Variants in CYP24A1 observed in about 807,000 individuals in gnomAD.
CYP24A1 encodes cytochrome P450 family 24 subfamily A member 1.
Under a neutral mutation model 62.4 loss-of-function variants are expected in CYP24A1, and 68 were observed. The ratio of observed to expected loss-of-function variants is 1.09; its 90% CI spans 0.90 to 1.33. The LOEUF (loss-of-function observed/expected upper bound fraction) is 1.33. Ranked by LOEUF, CYP24A1 falls within the 40% of genes most tolerant of loss-of-function variation. The pLI is 0.00. For synonymous variants in CYP24A1, 267 were observed against 253.0 expected, an observed-to-expected ratio of 1.06 and a Z score of -0.52; for missense variants, 787 against 653.0, an observed-to-expected ratio of 1.21 and a Z score of -2.24.
At position 54,172,981 on chromosome 20, in the gene CYP24A1, G is replaced by T; in HGVS notation, c.377C>A (p.Pro126Gln). The T allele has an allele frequency of 6.2e-7, 1 of 1,613,050 alleles. No individual in the cohort carries two copies. Among genetic ancestry groups the T allele is most frequent in the Non-Finnish European group, 8.5e-7 (1 of 1,180,032 alleles). ...CCACGGTTTGATCTCCAGCCGCTGCGGGTACGCGCTCTCGGTGCGGTACAG... is the reference window on the plus strand; with the variant it reads ...CCACGGTTTGATCTCCAGCCGCTGCTGGTACGCGCTCTCGGTGCGGTACAG... ...EALYRTESAYPQRLEIKPWKA... is the reference protein window; with the variant it reads ...EALYRTESAYQQRLEIKPWKA... Residue 126 changes from proline (P) to glutamine (Q), a missense_variant, in exon 2 of 12, where the codon CCG becomes CAG. Physicochemically the swap from Pro to Gln is moderately conservative, Grantham distance 76. Coordinates refer to ENST00000216862, the MANE Select transcript of CYP24A1 (RefSeq NM_000782.5).
chr20:54,169,242 T>G (rs2092685453), intron 4 of CYP24A1, among the ~76,000 whole-genome samples: 1 of 152,136 alleles, frequency 6.6e-6, no homozygotes, highest in Non-Finnish European at 1.5e-5. Context: ...TTTCCTTTAC[T>G]CCTTGGAAGA....
chr20:54,147,959 G>A, the CYP24A1 span, among the ~76,000 whole-genome samples: 5 of 152,068 alleles, frequency 3.3e-5, no homozygotes, highest in African/African-American at 1.2e-4. Context: ...TCAGCCTCCC[G>A]AGTAGCTGGG....
At chr20:54,168,920 C>T (rs1480677663) in intron 4 of CYP24A1, among the ~76,000 whole-genome samples, 24 of 145,126 alleles carry the variant, frequency 1.7e-4, no homozygotes, top group Admixed American at 9.3e-4. Context: ...TTTCTTGAGA[C>T]GGGGTCTCAC....
chr20:54,164,450 A>C lies in CYP24A1; in HGVS notation c.844+2T>G, dbSNP rs776062343. 3.1e-6 allele frequency: 5 copies of C among 1,613,898 alleles called. No individual in the cohort carries two copies. Among genetic ancestry groups the C allele is most frequent in the African/African-American group, 1.3e-5 (1 of 74,866 alleles). ...GGCTGGTTGTGAAGGGCGGCCCTTT[A>C]CCTGATTTGAAAATGGTGTCCCAGG... On this transcript the variant is annotated splice_donor_variant, in intron 6 of 11. Transcript: ENST00000216862. LOFTEE classifies it high-confidence loss of function.
In CYP24A1 at chr20:54,157,472, A is replaced by G. The variant is rs2092633220; in HGVS notation, c.1350T>C (p.Phe450=). 3.7e-6 allele frequency: 6 copies of G among 1,601,786 alleles called. No homozygotes were observed. Among genetic ancestry groups the G allele is most frequent in the Non-Finnish European group, 5.1e-6 (6 of 1,168,644 alleles). Residue 450 remains phenylalanine (F), a synonymous_variant, in exon 10 of 12, where the codon TTT becomes TTC. Transcript: ENST00000216862. ...WLQEKEKINP[F]AHLPFGVGKR... is the part of the protein sequence containing the mutation. ...TTCCAACGCCAAATGGAAGATGCGC[A>G]AAAGGATTAATTTTTTCCTTCTCCT... is the stretch of plus-strand genomic sequence containing the variant.
chr20:54,161,471 C>A (rs954731206), intron 7 of CYP24A1, among the ~76,000 whole-genome samples: 3 of 152,086 alleles, frequency 2.0e-5, no homozygotes, highest in African/African-American at 4.8e-5. Context: ...GAGTGGGAAC[C>A]CTTGTCTCTG....
At chr20:54,143,904 A>T in the CYP24A1 span, among the ~76,000 whole-genome samples, 1 of 152,238 alleles carries the variant, frequency 6.6e-6, no homozygotes, top group East Asian at 1.9e-4. Flanking sequence ...AAGTGAATAC[A>T]GTTAGCAACT....
chr20:54,164,182 C>T (rs1001012457), intron 6 of CYP24A1, among the ~76,000 whole-genome samples: 25 of 152,172 alleles, frequency 1.6e-4, no homozygotes, highest in East Asian at 1.9e-4. Context: ...GTGATCTGCT[C>T]GCCTGGGCCA....
At chr20:54,145,759 C>T in the CYP24A1 span, among the ~76,000 whole-genome samples, 3 of 152,156 alleles carry the variant, frequency 2.0e-5, no homozygotes, top group Admixed American at 2.0e-4. Flanking sequence ...CACGTAATCA[C>T]CAAGTGACAT....
At chr20:54,144,346 C>T in the CYP24A1 span, among the ~76,000 whole-genome samples, 3 of 151,792 alleles carry the variant, frequency 2.0e-5, no homozygotes, top group Non-Finnish European at 2.9e-5. Flanking sequence ...AACTCCTGGG[C>T]TCAAGTGATC....
Position 54,159,179 on chromosome 20 carries a change from T to G in CYP24A1, c.991-56A>C. 10 of 1,412,560 alleles carry G rather than the reference T, an allele frequency of 7.1e-6. No homozygotes were observed. The South Asian group carries it at 1.2e-4, about 16-fold the overall frequency. The allele number at this position is 1,412,560 out of a possible 1,614,324, so 87.5% of individuals were successfully genotyped here. A position where few individuals can be genotyped will look rare whatever the true frequency, so the allele number is the denominator to read the frequency against. ...TTTGTAAATAACTGCATTAAACCAC[T>G]ATTAGCTGAAAAAAAGGTGATGCCC... On this transcript the variant is annotated intron_variant, in intron 7 of 11. Coordinates refer to ENST00000216862, the MANE Select transcript of CYP24A1 (RefSeq NM_000782.5).
At position 54,173,753 on chromosome 20, in the gene CYP24A1, G is replaced by A; in HGVS notation, c.-174C>T. ...CAGGCAGCAGAAAGGACCTCGGCGA[G>A]GATGCTCGACGCTGCACCACGCGAC... On this transcript the variant is annotated 5_prime_UTR_variant, in exon 1 of 12. Transcript: ENST00000216862. This position sits in a 1 kb window ranked among gnomAD's most constrained non-coding sequence, Gnocchi z 7.2. 1 of 611,460 alleles carries A rather than the reference G, an allele frequency of 1.6e-6. No individual in the cohort carries two copies. Among genetic ancestry groups the A allele is most frequent in the South Asian group, 1.9e-5 (1 of 51,946 alleles). 37.9% of individuals were successfully genotyped at this position (611,460 alleles called of 1,614,324 possible). A position where few individuals can be genotyped will look rare whatever the true frequency, so the allele number is the denominator to read the frequency against.
chr20:54,157,021 G>A lies in CYP24A1; in HGVS notation c.*10+148C>T, dbSNP rs1287637971. The A allele has an allele frequency of 1.5e-5, 9 of 613,844 alleles. No individual in the cohort carries two copies. The East Asian group carries it at 2.5e-4, about 17-fold the overall frequency. 38.0% of individuals were successfully genotyped at this position (613,844 alleles called of 1,614,324 possible). ...TTTACAAATGAAAAAAAAAAAGGAA[G>A]TAGAGAGTTTAGGGAACTGCTCAAG... On this transcript the variant is annotated intron_variant, in intron 11 of 11. Transcript: ENST00000216862.
rs2092633778 is a variant in CYP24A1, at chr20:54,157,555, C to T, written c.1267G>A (p.Gly423Arg). The T allele has an allele frequency of 1.2e-6, 2 of 1,600,434 alleles. No individual in the cohort carries two copies. The highest frequency in any genetic ancestry group is 8.6e-7 in the Non-Finnish European group (1 of 1,167,526). The part of the protein sequence containing the change: ...TVLMLNTQVL[G>R]SSEDNFEDSS... ...TCTTCAAAATTGTCTTCACTGGATC[C>T]CAACACCTGGGTATTTAGCATGAGC... Residue 423 changes from glycine to arginine, a missense_variant, in exon 10 of 12, where the codon GGA (glycine) becomes AGA (arginine). By Grantham distance (125) the Gly-to-Arg change is moderately radical. Transcript: ENST00000216862.
chr20:54,145,285 T>TAA, the CYP24A1 span, among the ~76,000 whole-genome samples: 1 of 143,328 alleles, frequency 7.0e-6, no homozygotes, highest in Non-Finnish European at 1.5e-5. Context: ...AGCTCTAAGT[T>TAA]AAAAAAAAAA....
At chr20:54,152,354 G>A (rs1010055313), downstream of CYP24A1, among the ~76,000 whole-genome samples, 1 of 152,214 alleles carries the variant, frequency 6.6e-6, no homozygotes, top group Non-Finnish European at 1.5e-5. Context: ...AGCTCCCAGA[G>A]ATCAGGCTGA....
intron 11 of CYP24A1, among the ~76,000 whole-genome samples, chr20:54,155,816 T>C (rs1171655110): frequency 6.6e-6 from 1 of 152,074 alleles, no homozygotes; most frequent in Non-Finnish European, 1.5e-5. Flanking sequence ...TTCATTGTAA[T>C]GTCTATTAGG....
rs1014975908 is a variant in CYP24A1 at position 54,173,774 on chromosome 20, G to A, written c.-195C>T. ...GCGAGGATGCTCGACGCTGCACCAC[G>A]CGACAGCCTCAGAGCATTGGTGCCT... On this transcript the variant is annotated 5_prime_UTR_variant, in exon 1 of 12. Transcript: ENST00000216862. This position sits in a 1 kb window ranked among gnomAD's most constrained non-coding sequence, Gnocchi z 7.2. The A allele has an allele frequency of 4.3e-5, 26 of 602,304 alleles. No individual in the cohort carries two copies. In the East Asian group the frequency reaches 5.0e-4, roughly 11 times the overall value. 37.3% of individuals were successfully genotyped at this position (602,304 alleles called of 1,614,324 possible).
chr20:54,169,503 C>G, intron 4 of CYP24A1, 89 bp downstream of exon 4: 1 of 1,600,020 alleles, frequency 6.2e-7, no homozygotes, highest in Non-Finnish European at 8.5e-7. Context: ...AGCAATAATG[C>G]CTGTTTACAA....
Sources: gnomAD v4.1 joint callset for allele counts (sites outside exome capture counted in the v4.1 genomes callset) on GRCh38, gnomAD v4.1.1 for gene constraint, Gnocchi (gnomAD v3.1) non-coding constraint, MANE v1.5 for transcripts, NCBI Gene and HGNC (gene_info 2026-07-23, HGNC 2026-07-21) for gene names.